Variants in RFTN1 observed in about 807,000 individuals in gnomAD.
The protein encoded by RFTN1 is raftlin, lipid raft linker 1.
Under a neutral mutation model 46.5 loss-of-function variants are expected in RFTN1, and 26 were observed. The observed-to-expected ratio is 0.56, with a 90% CI of 0.41 to 0.78. RFTN1 has a LOEUF of 0.78. RFTN1 is among the 30% of genes least tolerant of loss of function. The pLI, the probability that RFTN1 is intolerant of heterozygous loss-of-function variation, is 0.00. For missense variants in RFTN1, 693 were observed against 718.7 expected (o/e 0.96, Z 0.41); for synonymous variants, 261 against 284.2 (o/e 0.92, Z 0.82).
Position 16,338,179 on chromosome 3 carries a change from G to A in RFTN1, c.1147-11303C>T, listed in dbSNP as rs1467542261. Among the ~76,000 whole-genome samples the A allele has an allele frequency of 4.6e-5, 7 of 152,240 alleles. No individual in the cohort carries two copies. Among genetic ancestry groups the A allele is most frequent in the Admixed American group, 2.0e-4 (3 of 15,286 alleles). On this transcript the variant is annotated intron_variant, in intron 7 of 9. Transcript: ENST00000334133. The surrounding 1 kb of genome is among the most constrained non-coding windows in gnomAD (Gnocchi z 5.3). ...TCAGTTACTTGGAAGGCAGAAAGAA[G>A]AAAGGGGCTACGGGATGGAAGGGCA... is the stretch of plus-strand genomic sequence containing the variant.
rs1397974607 is a variant in RFTN1, at chr3:16,329,162, T to A, written c.1147-2286A>T. ...TTCAGTCTCCTGCTCTCTCCCCTCT[T>A]TTCTGCGCTTCCGCCTCGGGATGAC... On this transcript the variant is annotated intron_variant, in intron 7 of 9. Transcript: ENST00000334133. This position sits in a 1 kb window ranked among gnomAD's most constrained non-coding sequence, Gnocchi z 4.5. Among the ~76,000 whole-genome samples, 2 of 152,188 alleles carry A rather than the reference T, an allele frequency of 1.3e-5. No individual in the cohort carries two copies. Among genetic ancestry groups the A allele is most frequent in the Admixed American group, 1.3e-4 (2 of 15,282 alleles).
At chr3:16,510,837 C>G (rs1575393867) in intron 1 of RFTN1, among the ~76,000 whole-genome samples, 1 of 152,092 alleles carries the variant, frequency 6.6e-6, no homozygotes, top group African/African-American at 2.4e-5. Context: ...TTCACGGCAG[C>G]TTTGTTCACA....
intron 2 of RFTN1, among the ~76,000 whole-genome samples, chr3:16,493,477 C>T (rs1246310970): frequency 1.3e-5 from 2 of 152,170 alleles, no homozygotes; most frequent in Admixed American, 1.3e-4. Context: ...AGGTGATCCA[C>T]CCGCCTCGGC....
rs114957422 is a variant in RFTN1 at position 16,506,334 on chromosome 3, G to C, written c.-9+7108C>G. 0.01 allele frequency among the ~76,000 whole-genome samples: 1,587 copies of C among 152,274 alleles called. 27 individuals are homozygous for C. Among genetic ancestry groups the C allele is most frequent in the African/African-American group, 0.036 (1,498 of 41,554 alleles). ...GAAGTCAAACAGGGCTGGGGAGACA[G>C]AGCGTAGGCCTGGCCGGGCCGTGAG... is the stretch of plus-strand genomic sequence containing the variant. On this transcript the variant is annotated intron_variant, in intron 1 of 9. Coordinates refer to ENST00000334133, the MANE Select transcript of RFTN1 (RefSeq NM_015150.2). The surrounding 1 kb of genome is among the most constrained non-coding windows in gnomAD (Gnocchi z 4.8).
At chr3:16,379,543 G>A (rs1180679189) in intron 4 of RFTN1, among the ~76,000 whole-genome samples, 1 of 152,214 alleles carries the variant, frequency 6.6e-6, no homozygotes, top group Non-Finnish European at 1.5e-5. Context: ...GCAGTGAGTA[G>A]CCAGAGTGCA....
Position 16,465,425 on chromosome 3 carries a change from C to T in RFTN1, c.145+28300G>A, listed in dbSNP as rs1359952050. On this transcript the variant is annotated intron_variant, in intron 2 of 9. Coordinates refer to ENST00000334133, the MANE Select transcript of RFTN1 (RefSeq NM_015150.2). The surrounding 1 kb of genome is among the most constrained non-coding windows in gnomAD (Gnocchi z 5.1). ...GAGGTTGGCAGCTCAGAGGGACACA[C>T]ACACACACACACACACACACACACA... Among the ~76,000 whole-genome samples the T allele has an allele frequency of 6.8e-6, 1 of 147,236 alleles. No homozygotes were observed. Among genetic ancestry groups the T allele is most frequent in the Non-Finnish European group, 1.5e-5 (1 of 65,670 alleles).
chr3:16,478,497 T>A (rs1409424580), intron 2 of RFTN1, among the ~76,000 whole-genome samples: 3 of 152,234 alleles, frequency 2.0e-5, no homozygotes, highest in Non-Finnish European at 1.5e-5. Context: ...CAAGACTTTT[T>A]AACATAAACT....
chr3:16,423,559 T>A (rs558529353), intron 3 of RFTN1, among the ~76,000 whole-genome samples: 1 of 152,320 alleles, frequency 6.6e-6, no homozygotes, highest in African/African-American at 2.4e-5. Flanking sequence ...CTGAGTCTCA[T>A]TTCCTTCATC....
rs1376272948 is a variant in RFTN1, at chr3:16,458,166, AAGAC to A, written c.146-24133_146-24130del. ...TCGTTTCAACAACACAAAATAGACT[AAGAC>A]AGACATTCTTTGAGCACCTACTATG... On this transcript the variant is annotated intron_variant, in intron 2 of 9. Transcript: ENST00000334133. This position sits in a 1 kb window ranked among gnomAD's most constrained non-coding sequence, Gnocchi z 5.1. Among the ~76,000 whole-genome samples, 1 of 152,202 alleles carries A rather than the reference AAGAC, an allele frequency of 6.6e-6. No individual in the cohort carries two copies. The highest frequency in any genetic ancestry group is 1.5e-5 in the Non-Finnish European group (1 of 68,046).
At chr3:16,438,466 T>G (rs913637868) in intron 2 of RFTN1, among the ~76,000 whole-genome samples, 3 of 151,184 alleles carry the variant, frequency 2.0e-5, no homozygotes, top group South Asian at 2.1e-4. Flanking sequence ...GCACCTATAG[T>G]CCCAGCTACT....
intron 2 of RFTN1, among the ~76,000 whole-genome samples, chr3:16,437,614 T>A (rs968044391): frequency 1.3e-5 from 2 of 152,096 alleles, no homozygotes; most frequent in African/African-American, 4.8e-5. Context: ...TGAGCTGAGA[T>A]CGCACCACTG....
intron 4 of RFTN1, among the ~76,000 whole-genome samples, chr3:16,395,930 T>A (rs561864115): frequency 8.7e-4 from 132 of 152,266 alleles, no homozygotes; most frequent in African/African-American, 2.8e-3. Context: ...TTGTAAAAAA[T>A]TTTTTAAAAA....
In RFTN1 at chr3:16,404,313, TTATATATAATATATAATATATAA is replaced by T. The variant is rs2074782304; in HGVS notation, c.441+5039_441+5061del. Among the ~76,000 whole-genome samples, 2 of 16,114 alleles carry T rather than the reference TTATATATAATATATAATATATAA, an allele frequency of 1.2e-4. 1 individual carries two copies. The highest frequency in any genetic ancestry group is 2.0e-4 in the Non-Finnish European group (2 of 10,094). 10.6% of individuals were successfully genotyped at this position (16,114 alleles called of 152,430 possible). Reference sequence around the variant, plus strand: ...TAATATATATAATATGTAATATATATTATATATAATATATAATATATAATATATATAATATATAATATATATAC... The same window carrying T: ...TAATATATATAATATGTAATATATATTATATATAATATATAATATATATAC... On this transcript the variant is annotated intron_variant, in intron 4 of 9. Transcript: ENST00000334133.
chr3:16,335,561 G>GGTGAAAACACAT lies in RFTN1; in HGVS notation c.1147-8697_1147-8686dup, dbSNP rs1197835222. Among the ~76,000 whole-genome samples, 4 of 152,130 alleles carry GGTGAAAACACAT rather than the reference G, an allele frequency of 2.6e-5. No homozygotes were observed. The highest frequency in any genetic ancestry group is 5.9e-5 in the Non-Finnish European group (4 of 68,036). On this transcript the variant is annotated intron_variant, in intron 7 of 9. Transcript: ENST00000334133. The surrounding 1 kb of genome is among the most constrained non-coding windows in gnomAD (Gnocchi z 4.7). ...TCACTTACAAGTGGGAGAGCTGAAC[G>GGTGAAAACACAT]GTGAAAACACATGTGAAAACACATG...
rs892453142 is a variant in RFTN1, at chr3:16,353,963, C to T, written c.1146+3969G>A. On this transcript the variant is annotated intron_variant, in intron 7 of 9. Coordinates refer to ENST00000334133, the MANE Select transcript of RFTN1 (RefSeq NM_015150.2). This position sits in a 1 kb window ranked among gnomAD's most constrained non-coding sequence, Gnocchi z 5.4. Reference sequence around the variant, plus strand: ...TGGCAGCCCAAGCAGACTAAGACATCCATTGAATAGGAAATAGGGGTAGAG... The same window carrying T: ...TGGCAGCCCAAGCAGACTAAGACATTCATTGAATAGGAAATAGGGGTAGAG... Among the ~76,000 whole-genome samples, 1 of 152,140 alleles carries T rather than the reference C, an allele frequency of 6.6e-6. No individual in the cohort carries two copies. Among genetic ancestry groups the T allele is most frequent in the African/African-American group, 2.4e-5 (1 of 41,418 alleles).
rs1303991034 is a variant in RFTN1, at chr3:16,407,744, C to T, written c.441+1631G>A. Among the ~76,000 whole-genome samples the T allele has an allele frequency of 6.6e-6, 1 of 152,134 alleles. No individual in the cohort carries two copies. Among genetic ancestry groups the T allele is most frequent in the Non-Finnish European group, 1.5e-5 (1 of 68,020 alleles). On this transcript the variant is annotated intron_variant, in intron 4 of 9. Transcript: ENST00000334133. This position sits in a 1 kb window ranked among gnomAD's most constrained non-coding sequence, Gnocchi z 4.0. ...TAGAAAGCTACATGCGTTATTAAAACACTTGTGTTCTCAGGCTTATGCGTA... is the reference window on the plus strand; with the variant it reads ...TAGAAAGCTACATGCGTTATTAAAATACTTGTGTTCTCAGGCTTATGCGTA...
Position 16,345,817 on chromosome 3 carries a change from TGCGCGC to T in RFTN1, c.1146+12109_1146+12114del, listed in dbSNP as rs1553726165. Among the ~76,000 whole-genome samples the T allele has an allele frequency of 0.02, 1,490 of 74,524 alleles. 11 individuals are homozygous for T. Among genetic ancestry groups the T allele is most frequent in the Middle Eastern group, 0.054 (8 of 148 alleles). 48.9% of individuals were successfully genotyped at this position (74,524 alleles called of 152,430 possible). The stretch of plus-strand genomic sequence containing the variant: ...GTGTGTGTGTGTGTGTGTGTGTGTG[TGCGCGC>T]GCGCGTGCGCGCACGCGCACATGTG... On this transcript the variant is annotated intron_variant, in intron 7 of 9. Coordinates refer to ENST00000334133, the MANE Select transcript of RFTN1 (RefSeq NM_015150.2). The surrounding 1 kb of genome is among the most constrained non-coding windows in gnomAD (Gnocchi z 5.2).
chr3:16,431,988 A>C (rs2075398724), intron 3 of RFTN1, among the ~76,000 whole-genome samples: 1 of 152,174 alleles, frequency 6.6e-6, no homozygotes, highest in South Asian at 2.1e-4. Context: ...TTGACAACTC[A>C]ACATTTGTGT....
rs1423904821 is a variant in RFTN1 at position 16,329,982 on chromosome 3, C to T, written c.1147-3106G>A. On this transcript the variant is annotated intron_variant, in intron 7 of 9. Transcript: ENST00000334133. This position sits in a 1 kb window ranked among gnomAD's most constrained non-coding sequence, Gnocchi z 4.5. ...CCTGCTTAGACAGACTGCAAACCGG[C>T]TGCTTCTATTTTGCTCCGTTTTATT... 6.6e-6 allele frequency among the ~76,000 whole-genome samples: 1 copy of T among 152,210 alleles called. No homozygotes were observed. The highest frequency in any genetic ancestry group is 1.5e-5 in the Non-Finnish European group (1 of 68,042).
Sources: allele counts gnomAD v4.1 joint callset (sites outside exome capture counted in the v4.1 genomes callset), GRCh38; gene constraint gnomAD v4.1.1; non-coding constraint Gnocchi (gnomAD v3.1); transcripts MANE v1.5; gene names NCBI Gene and HGNC (gene_info 2026-07-23, HGNC 2026-07-21).